The following DLG2 variants were observed in gnomAD, a reference collection of about 807,000 sequenced individuals.
DLG2 encodes the protein disks large homolog 2.
In DLG2, 45 loss-of-function variants were observed where a neutral mutation model predicts 132.5. The observed-to-expected ratio is 0.34, with a 90% confidence interval of 0.27 to 0.44. The LOEUF (loss-of-function observed/expected upper bound fraction) is 0.44, where lower values mean the gene tolerates loss of function less well. Among genes scored for constraint, DLG2 ranks in the 20% least tolerant of loss-of-function variants. DLG2 has a pLI of 1.00. For synonymous variants in DLG2, 424 were observed against 419.6 expected (o/e 1.01, Z -0.13); for missense variants, 1,045 against 1,196.9 (o/e 0.87, Z 1.87).
At chr11:85,414,636 T>A (rs1280952935) in intron 3 of DLG2, among the ~76,000 whole-genome samples, 1 of 152,036 alleles carries the variant, frequency 6.6e-6, no homozygotes, top group Non-Finnish European at 1.5e-5. Context: ...ATAGTTTTAA[T>A]ACATTGTTTC....
At chr11:83,884,024 C>CG (rs1247814712) in intron 15 of DLG2, among the ~76,000 whole-genome samples, 1 of 150,398 alleles carries the variant, frequency 6.6e-6, no homozygotes, top group Non-Finnish European at 1.5e-5. Context: ...ACGCAGAAGA[C>CG]GGGTGATTTC....
intron 8 of DLG2, among the ~76,000 whole-genome samples, chr11:84,229,557 T>G (rs1008483214): frequency 2.0e-5 from 3 of 152,200 alleles, no homozygotes; most frequent in Admixed American, 6.5e-5. Context: ...CTTGTTAAAA[T>G]GCAGGGATCT....
chr11:83,846,766 A>G (rs2058682760), intron 16 of DLG2, among the ~76,000 whole-genome samples: 1 of 152,172 alleles, frequency 6.6e-6, no homozygotes, highest in Non-Finnish European at 1.5e-5. Flanking sequence ...TGATTTAAAA[A>G]TATTTGGAGT....
At chr11:85,416,866 T>C (rs2152988969) in intron 3 of DLG2, among the ~76,000 whole-genome samples, 1 of 152,352 alleles carries the variant, frequency 6.6e-6, no homozygotes, top group African/African-American at 2.4e-5. Context: ...ATTTTCTAAA[T>C]ATACAATAAT....
chr11:83,711,654 T>C (rs905354307), intron 18 of DLG2, among the ~76,000 whole-genome samples: 5 of 152,188 alleles, frequency 3.3e-5, no homozygotes, highest in African/African-American at 1.2e-4. Context: ...AAAAACATAA[T>C]TGAACACTAA....
chr11:84,533,541 A>T lies in DLG2; in HGVS notation c.519+1029T>A, dbSNP rs146073628. The stretch of plus-strand genomic sequence containing the variant: ...AGCTATAGCTAATTTATTTGCTAAT[A>T]CATTTTTAGCATACCAATATGTTTG... On this transcript the variant is annotated intron_variant, in intron 7 of 27. Transcript: ENST00000376104. Among the ~76,000 whole-genome samples the T allele has an allele frequency of 7.2e-3, 1,104 of 152,318 alleles. 5 individuals carry two copies. Among genetic ancestry groups the T allele is most frequent in the Middle Eastern group, 0.014 (4 of 294 alleles).
chr11:84,426,201 T>A (rs1431352673), intron 7 of DLG2, among the ~76,000 whole-genome samples: 1 of 152,112 alleles, frequency 6.6e-6, no homozygotes, highest in Non-Finnish European at 1.5e-5. Context: ...GGGGCGTACA[T>A]CTTAGTGGCG....
chr11:85,357,704 TTATATATATATATATATATATATA>T (rs58283704), intron 3 of DLG2, among the ~76,000 whole-genome samples: 8,451 of 106,116 alleles, frequency 0.08, 673 homozygotes, highest in Non-Finnish European at 0.11. Context: ...CTGTTCTGAA[TTATATATATATATATATATATATA>T]TATATATATA....
intron 4 of DLG2, among the ~76,000 whole-genome samples, chr11:85,215,502 A>G (rs1029908054): frequency 6.6e-6 from 1 of 152,198 alleles, no homozygotes; most frequent in Non-Finnish European, 1.5e-5. Context: ...GAGAAAAAGT[A>G]GACAAAGAGC....
At chr11:84,599,610 G>T (rs1054287123) in intron 6 of DLG2, among the ~76,000 whole-genome samples, 2 of 152,122 alleles carry the variant, frequency 1.3e-5, no homozygotes, top group Admixed American at 6.5e-5. Flanking sequence ...TACACCTACA[G>T]GCTTAAGCCA....
At chr11:85,360,162 T>C (rs1189577177) in intron 3 of DLG2, among the ~76,000 whole-genome samples, 1 of 152,168 alleles carries the variant, frequency 6.6e-6, no homozygotes, top group Non-Finnish European at 1.5e-5. Flanking sequence ...TTTAACACAC[T>C]TGTCAGCGGT....
chr11:84,225,688 C>T (rs1443114401), intron 8 of DLG2, among the ~76,000 whole-genome samples: 1 of 152,088 alleles, frequency 6.6e-6, no homozygotes, highest in Non-Finnish European at 1.5e-5. Flanking sequence ...GACAAAAATT[C>T]TCTATATTTT....
At chr11:85,537,341 G>A (rs1279976857) in intron 3 of DLG2, among the ~76,000 whole-genome samples, 1 of 152,178 alleles carries the variant, frequency 6.6e-6, no homozygotes, top group Non-Finnish European at 1.5e-5. Flanking sequence ...TCCAGGCTGT[G>A]GAACCTTTGT....
At chr11:84,547,977 A>G (rs924775632) in intron 6 of DLG2, among the ~76,000 whole-genome samples, 1 of 152,200 alleles carries the variant, frequency 6.6e-6, no homozygotes, top group Non-Finnish European at 1.5e-5. Context: ...GAACAGTAGT[A>G]CCCTGTAAGA....
At chr11:84,162,237 C>T (rs940186228) in intron 9 of DLG2, among the ~76,000 whole-genome samples, 3 of 151,846 alleles carry the variant, frequency 2.0e-5, no homozygotes, top group African/African-American at 7.3e-5. Context: ...AACATTACCC[C>T]AAAATCCTTA....
intron 7 of DLG2, among the ~76,000 whole-genome samples, chr11:84,306,517 C>G (rs550402609): frequency 1.3e-5 from 2 of 152,088 alleles, no homozygotes; most frequent in African/African-American, 4.8e-5. Flanking sequence ...TTGATTTTCG[C>G]GGAGTTATAG....
At chr11:85,080,112 T>C (rs2067052637) in intron 6 of DLG2, among the ~76,000 whole-genome samples, 1 of 152,084 alleles carries the variant, frequency 6.6e-6, no homozygotes, top group Non-Finnish European at 1.5e-5. Context: ...TCCCTCAAAA[T>C]TGGCCCTTAC....
intron 16 of DLG2, among the ~76,000 whole-genome samples, chr11:83,839,903 G>A (rs2057168462): frequency 6.6e-6 from 1 of 152,050 alleles, no homozygotes; most frequent in Non-Finnish European, 1.5e-5. Context: ...TCTAATTCAG[G>A]TTTTGACTTT....
chr11:85,155,370 T>G (rs1276676408), intron 4 of DLG2, among the ~76,000 whole-genome samples: 1 of 152,216 alleles, frequency 6.6e-6, no homozygotes, highest in Non-Finnish European at 1.5e-5. Context: ...TGTGGCAGAC[T>G]AAATTCTTAG....
Sources: allele counts gnomAD v4.1 joint callset (sites outside exome capture counted in the v4.1 genomes callset), GRCh38; gene constraint gnomAD v4.1.1; transcripts MANE v1.5; gene names NCBI Gene and HGNC (gene_info 2026-07-23, HGNC 2026-07-21).